Variants in RFPL1 observed in about 807,000 individuals in gnomAD.
RFPL1 encodes the protein ret finger protein like 1.
A neutral mutation model predicts 9.6 loss-of-function variants in RFPL1; 6 were observed. The ratio of observed to expected loss-of-function variants is 0.62; its 90% CI spans 0.34 to 1.23. The LOEUF (loss-of-function observed/expected upper bound fraction) is 1.23, where lower values mean the gene tolerates loss of function less well. Ranked by LOEUF, RFPL1 falls within the 50% of genes most tolerant of loss-of-function variation. The pLI is 0.03. For synonymous variants in RFPL1, 145 were observed against 149.4 expected (o/e 0.97, Z 0.22); for missense variants, 352 against 398.4 (o/e 0.88, Z 0.99).
At chr22:29,388,465 C>G in the RFPL1 span, 1 of 152,292 alleles carries the variant, frequency 6.6e-6, no homozygotes, top group Non-Finnish European at 1.5e-5. Context: ...CTCGGTTCGG[C>G]TTGGCACCAA....
At chr22:29,408,181 T>C in the RFPL1 span, among the ~76,000 whole-genome samples, 8 of 152,318 alleles carry the variant, frequency 5.3e-5, no homozygotes, top group African/African-American at 1.9e-4. Context: ...TTTCATAAAA[T>C]TGGGGATTTG....
At chr22:29,426,287 C>T in the RFPL1 span, among the ~76,000 whole-genome samples, 1 of 151,436 alleles carries the variant, frequency 6.6e-6, no homozygotes, top group Non-Finnish European at 1.5e-5. Context: ...CATGCCACTG[C>T]ACTCTAGCCT....
exon 1 of RFPL1, chr22:29,439,052 G>C: frequency 6.2e-7 from 1 of 1,614,154 alleles, no homozygotes; most frequent in Middle Eastern, 1.7e-4. Flanking sequence ...TCTCTCAGAA[G>C]AACAAAATCA....
chr22:29,397,649 A>G, the RFPL1 span, among the ~76,000 whole-genome samples: 1 of 152,302 alleles, frequency 6.6e-6, no homozygotes, highest in Admixed American at 6.5e-5. Flanking sequence ...CACTCTGGGA[A>G]CAAAAGTGGT....
At chr22:29,406,007 G>C in the RFPL1 span, among the ~76,000 whole-genome samples, 1 of 149,742 alleles carries the variant, frequency 6.7e-6, no homozygotes, top group African/African-American at 2.5e-5. Context: ...TACTCGGGAG[G>C]CTGAGGCAGG....
chr22:29,437,796 G>A, upstream of RFPL1: 1 of 1,461,130 alleles, frequency 6.8e-7, no homozygotes. Flanking sequence ...TATGCCTTGG[G>A]GGATGAATGA....
At chr22:29,390,222 C>T in the RFPL1 span, among the ~76,000 whole-genome samples, 4 of 152,080 alleles carry the variant, frequency 2.6e-5, no homozygotes, top group African/African-American at 9.7e-5. Flanking sequence ...AAAAACAATC[C>T]CCTGAGGTTG....
At chr22:29,424,198 A>AG in the RFPL1 span, among the ~76,000 whole-genome samples, 1 of 152,106 alleles carries the variant, frequency 6.6e-6, no homozygotes, top group African/African-American at 2.4e-5. Flanking sequence ...AAAAGACCAT[A>AG]GGACAAAGAA....
At chr22:29,412,772 T>C in the RFPL1 span, among the ~76,000 whole-genome samples, 1 of 152,082 alleles carries the variant, frequency 6.6e-6, no homozygotes, top group Non-Finnish European at 1.5e-5. Flanking sequence ...TCACAGCCTG[T>C]CCAGCCTATT....
chr22:29,428,059 A>G, the RFPL1 span, among the ~76,000 whole-genome samples: 1 of 152,156 alleles, frequency 6.6e-6, no homozygotes, highest in Non-Finnish European at 1.5e-5. Flanking sequence ...TCCCTATTAA[A>G]TGTTTCTAAG....
the RFPL1 span, among the ~76,000 whole-genome samples, chr22:29,412,829 C>T: frequency 6.6e-6 from 1 of 152,064 alleles, no homozygotes; most frequent in Non-Finnish European, 1.5e-5. Context: ...GATTCAGGGT[C>T]CCTGGAGATG....
At chr22:29,412,778 C>T in the RFPL1 span, among the ~76,000 whole-genome samples, 35 of 152,212 alleles carry the variant, frequency 2.3e-4, no homozygotes, top group African/African-American at 8.2e-4. Flanking sequence ...CCTGTCCAGC[C>T]TATTGAGCCC....
chr22:29,422,126 C>T, the RFPL1 span, among the ~76,000 whole-genome samples: 6 of 152,184 alleles, frequency 3.9e-5, no homozygotes, highest in East Asian at 1.2e-3. Flanking sequence ...CCTCCATTTC[C>T]TTAAAAGCAG....
the RFPL1 span, among the ~76,000 whole-genome samples, chr22:29,411,813 T>C: frequency 6.6e-6 from 1 of 152,248 alleles, no homozygotes; most frequent in African/African-American, 2.4e-5. Flanking sequence ...TTTGAAATGA[T>C]GGTAAGACAT....
intron 1 of RFPL1, 198 bp downstream of exon 1, chr22:29,439,362 G>T (rs2062826273): frequency 2.4e-6 from 2 of 821,704 alleles, no homozygotes; most frequent in East Asian, 5.3e-5. Context: ...GGCTGGGCAT[G>T]GTGGCTCATG....
Position 29,439,199 on chromosome 22 carries a change from A to T in RFPL1, c.373+35A>T, listed in dbSNP as rs779836326. The T allele has an allele frequency of 3.1e-6, 5 of 1,588,910 alleles. No homozygotes were observed. The South Asian group carries it at 5.7e-5, about 18-fold the overall frequency. On this transcript the variant is annotated intron_variant, in intron 1 of 1. Coordinates refer to ENST00000354373, the Ensembl canonical transcript of RFPL1. The stretch of plus-strand genomic sequence containing the variant: ...CTGTATACACTGCCCCCTTCCTACG[A>T]CCAGACCAGGAAAAATCATCTGTGC...
At chr22:29,389,337 A>C in the RFPL1 span, among the ~76,000 whole-genome samples, 2 of 151,828 alleles carry the variant, frequency 1.3e-5, no homozygotes, top group African/African-American at 4.8e-5. Context: ...ACAGTGAGCT[A>C]TAATTGCAGC....
At chr22:29,390,953 A>G in the RFPL1 span, among the ~76,000 whole-genome samples, 1 of 151,136 alleles carries the variant, frequency 6.6e-6, no homozygotes, top group Non-Finnish European at 1.5e-5. Context: ...CATCCTGGCT[A>G]ACACAGTGAA....
the RFPL1 span, among the ~76,000 whole-genome samples, chr22:29,426,568 A>G: frequency 6.6e-6 from 1 of 152,094 alleles, no homozygotes; most frequent in African/African-American, 2.4e-5. Context: ...CCTGACCAAT[A>G]TGGTGAAACA....
Sources: allele counts gnomAD v4.1 joint callset (sites outside exome capture counted in the v4.1 genomes callset), GRCh38; gene constraint gnomAD v4.1.1; transcripts MANE v1.5; gene names NCBI Gene and HGNC (gene_info 2026-07-23, HGNC 2026-07-21).